The following CAMTA1 variants were observed in gnomAD, a reference collection of about 807,000 sequenced individuals.
The protein encoded by CAMTA1 is calmodulin binding transcription activator 1.
A neutral mutation model predicts 170.9 loss-of-function variants in CAMTA1; 27 were observed. The ratio of observed to expected loss-of-function variants is 0.16; its 90% CI spans 0.12 to 0.22. The LOEUF is 0.22. Ranked by LOEUF, CAMTA1 falls within the 10% of genes least tolerant of loss-of-function variation. CAMTA1 has a pLI of 1.00. For missense variants in CAMTA1, 1,619 were observed against 2,217.2 expected, an observed-to-expected ratio of 0.73 and a Z score of 5.42; for synonymous variants, 833 against 891.5, an observed-to-expected ratio of 0.93 and a Z score of 1.17.
chr1:7,230,082 G>A (rs1358984362), intron 4 of CAMTA1, among the ~76,000 whole-genome samples: 2 of 152,082 alleles, frequency 1.3e-5, no homozygotes, highest in Non-Finnish European at 2.9e-5. Context: ...TGAAGGACAG[G>A]AGCACCCAGA....
intron 3 of CAMTA1, among the ~76,000 whole-genome samples, chr1:7,071,981 G>A (rs1227214376): frequency 3.3e-5 from 5 of 152,178 alleles, no homozygotes; most frequent in Non-Finnish European, 7.3e-5. Flanking sequence ...AGATGGACTC[G>A]TACTGGCTTT....
At chr1:7,338,953 G>A (rs1253054042) in intron 5 of CAMTA1, among the ~76,000 whole-genome samples, 4 of 152,188 alleles carry the variant, frequency 2.6e-5, no homozygotes, top group Non-Finnish European at 5.9e-5. Context: ...GGAAGAGGAA[G>A]CAGGTATGTC....
In CAMTA1 at chr1:7,463,449, T is replaced by G. The variant is rs1244155705; in HGVS notation, c.439-4381T>G. Reference sequence around the variant, plus strand: ...GACGGGGAGAGACAGATGGGGGAAATGGGAGAGAGACAGAGAGAGGACAAG... The same window carrying G: ...GACGGGGAGAGACAGATGGGGGAAAGGGGAGAGAGACAGAGAGAGGACAAG... On this transcript the variant is annotated intron_variant, in intron 5 of 22. Transcript: ENST00000303635. This position sits in a 1 kb window ranked among gnomAD's most constrained non-coding sequence, Gnocchi z 4.7. Among the ~76,000 whole-genome samples the G allele has an allele frequency of 3.7e-5, 5 of 135,976 alleles. No individual in the cohort carries two copies. Among genetic ancestry groups the G allele is most frequent in the East Asian group, 4.3e-4 (2 of 4,680 alleles). The allele number at this position is 135,976 out of a possible 152,430, so 89.2% of individuals were successfully genotyped here.
At chr1:7,034,056 T>C (rs138107918) in intron 3 of CAMTA1, among the ~76,000 whole-genome samples, 146 of 152,342 alleles carry the variant, frequency 9.6e-4, no homozygotes, top group African/African-American at 3.3e-3. Flanking sequence ...AAAACTCTAC[T>C]GAGTACTCTC....
chr1:7,589,703 G>A (rs2095340928), intron 6 of CAMTA1, among the ~76,000 whole-genome samples: 1 of 152,182 alleles, frequency 6.6e-6, no homozygotes, highest in Admixed American at 6.5e-5. Flanking sequence ...AGGGAGGCTG[G>A]ATGAGGCCTC....
At chr1:7,401,350 A>T (rs999114026) in intron 5 of CAMTA1, among the ~76,000 whole-genome samples, 1 of 152,180 alleles carries the variant, frequency 6.6e-6, no homozygotes, top group Non-Finnish European at 1.5e-5. Flanking sequence ...AGACTAGTTC[A>T]TTGATAACTA....
At chr1:7,708,806 G>C (rs1274024794) in intron 11 of CAMTA1, among the ~76,000 whole-genome samples, 1 of 152,118 alleles carries the variant, frequency 6.6e-6, no homozygotes, top group Non-Finnish European at 1.5e-5. Context: ...GAGGGTAAAT[G>C]TTTCTAGGAG....
chr1:7,600,939 C>T (rs575699603), intron 6 of CAMTA1, among the ~76,000 whole-genome samples: 7 of 151,736 alleles, frequency 4.6e-5, no homozygotes, highest in Non-Finnish European at 1.0e-4. Flanking sequence ...ACCTTTCCCC[C>T]CTTTCTATTC....
chr1:7,657,805 A>T (rs188830256), intron 7 of CAMTA1, among the ~76,000 whole-genome samples: 5 of 151,042 alleles, frequency 3.3e-5, no homozygotes, highest in African/African-American at 4.8e-5. Flanking sequence ...GACAATCTGC[A>T]TATTGGATGT....
At chr1:7,529,723 T>G (rs1156315323) in intron 6 of CAMTA1, among the ~76,000 whole-genome samples, 3 of 152,206 alleles carry the variant, frequency 2.0e-5, no homozygotes, top group Non-Finnish European at 4.4e-5. Flanking sequence ...CAAGGAACCT[T>G]AACATCTCTA....
At chr1:7,105,186 G>A (rs1045761148) in intron 4 of CAMTA1, among the ~76,000 whole-genome samples, 1 of 152,178 alleles carries the variant, frequency 6.6e-6, no homozygotes, top group African/African-American at 2.4e-5. Flanking sequence ...GGTAAAATGG[G>A]ATGATAAATA....
chr1:7,767,728 A>T lies in CAMTA1; in HGVS notation c.*1237A>T, dbSNP rs1438984863. 2 of 152,716 alleles carry T rather than the reference A, an allele frequency of 1.3e-5. No homozygotes were observed. The highest frequency in any genetic ancestry group is 6.5e-5 in the Admixed American group (1 of 15,278). The allele number at this position is 152,716 out of a possible 1,614,324, so 9.5% of individuals were successfully genotyped here. A position where few individuals can be genotyped will look rare whatever the true frequency, so the allele number is the denominator to read the frequency against. On this transcript the variant is annotated 3_prime_UTR_variant, in exon 23 of 23. Coordinates refer to ENST00000303635, the MANE Select transcript of CAMTA1 (RefSeq NM_015215.4). ...CAAGAAAAAAGAAATGAACAAAAGC[A>T]AAGCATTAGTGGCTATGGTCTGTAA...
At chr1:7,636,987 G>C (rs750531792) in intron 6 of CAMTA1, among the ~76,000 whole-genome samples, 3 of 152,266 alleles carry the variant, frequency 2.0e-5, no homozygotes, top group Non-Finnish European at 2.9e-5. Context: ...ATCAGGGAAG[G>C]CTTCCTGGAA....
chr1:7,052,252 CCT>C (rs995851192), intron 3 of CAMTA1, among the ~76,000 whole-genome samples: 1 of 115,436 alleles, frequency 8.7e-6, no homozygotes, highest in Non-Finnish European at 1.8e-5. Flanking sequence ...CTTGTCCAGC[CCT>C]CTCCTGTGTT....
chr1:7,634,194 C>T lies in CAMTA1; in HGVS notation c.511-6206C>T, dbSNP rs541810781. On this transcript the variant is annotated intron_variant, in intron 6 of 22. Transcript: ENST00000303635. This position sits in a 1 kb window ranked among gnomAD's most constrained non-coding sequence, Gnocchi z 6.2. ...CGGGAGGAGGGCACACTCCCACGTG[C>T]GCAGGAGAGCAGGTGGAGGATCAGA... 2.6e-5 allele frequency among the ~76,000 whole-genome samples: 4 copies of T among 152,232 alleles called. No individual in the cohort carries two copies. The highest frequency in any genetic ancestry group is 3.9e-4 in the East Asian group (2 of 5,168).
At chr1:7,086,051 CT>C (rs1399769637) in intron 3 of CAMTA1, among the ~76,000 whole-genome samples, 2 of 152,182 alleles carry the variant, frequency 1.3e-5, no homozygotes, top group Non-Finnish European at 2.9e-5. Flanking sequence ...ACAGAGGGGC[CT>C]GTCTGGGACC....
intron 6 of CAMTA1, among the ~76,000 whole-genome samples, chr1:7,619,638 T>C (rs1234844740): frequency 1.3e-5 from 2 of 151,794 alleles, no homozygotes; most frequent in Non-Finnish European, 1.5e-5. Flanking sequence ...AATGACAAAA[T>C]TGAGGAGAAA....
At chr1:7,276,303 A>ATATATATATTTTTTTTTTTTTTT in intron 5 of CAMTA1, among the ~76,000 whole-genome samples, 3 of 24,232 alleles carry the variant, frequency 1.2e-4, no homozygotes, top group African/African-American at 3.0e-4. Context: ...ATATATATAT[A>ATATATATATTTTTTTTTTTTTTT]TTTTTTTTTT....
chr1:7,360,591 G>A (rs577096714), intron 5 of CAMTA1, among the ~76,000 whole-genome samples: 3 of 152,294 alleles, frequency 2.0e-5, no homozygotes, highest in Non-Finnish European at 2.9e-5. Context: ...GACAAGCCTC[G>A]GTGTGCCCAC....
Sources: allele counts gnomAD v4.1 joint callset (sites outside exome capture counted in the v4.1 genomes callset), GRCh38; gene constraint gnomAD v4.1.1; non-coding constraint Gnocchi (gnomAD v3.1); transcripts MANE v1.5; gene names NCBI Gene and HGNC (gene_info 2026-07-23, HGNC 2026-07-21).